The following ANXA8 variants were observed in gnomAD, a reference collection of about 807,000 sequenced individuals.
ANXA8 encodes the protein VAC-beta.
A neutral mutation model predicts 26.8 loss-of-function variants in ANXA8; 9 were observed. That is an observed-to-expected ratio of 0.34 (90% CI 0.20 to 0.59). ANXA8 has a LOEUF of 0.59. Among genes scored for constraint, ANXA8 ranks in the 20% least tolerant of loss-of-function variants. ANXA8 has a pLI of 0.84. For missense variants in ANXA8, 83 were observed against 238.5 expected (o/e 0.35, Z 4.29); for synonymous variants, 39 against 94.8 (o/e 0.41, Z 3.42).
At chr10:47,498,165 A>T in the ANXA8 span, among the ~76,000 whole-genome samples, 1 of 150,068 alleles carries the variant, frequency 6.7e-6, no homozygotes, top group Admixed American at 6.7e-5. Flanking sequence ...TCCCTTCCCC[A>T]TGTCCCTGGC....
At chr10:47,733,067 C>T in the ANXA8 span, among the ~76,000 whole-genome samples, 2 of 151,510 alleles carry the variant, frequency 1.3e-5, no homozygotes, top group Non-Finnish European at 3.0e-5. Context: ...GATTGACTCA[C>T]ATAAATGAGG....
chr10:47,495,932 G>A, the ANXA8 span, among the ~76,000 whole-genome samples: 11 of 151,604 alleles, frequency 7.3e-5, no homozygotes, highest in African/African-American at 2.7e-4. Flanking sequence ...TGAAGAAGGA[G>A]CAGGTGGTGC....
the ANXA8 span, among the ~76,000 whole-genome samples, chr10:47,717,570 T>C: frequency 1.6e-4 from 21 of 128,822 alleles, 4 homozygotes; most frequent in African/African-American, 7.0e-4. Flanking sequence ...CAGCAGAATT[T>C]CAGTGCTCAG....
chr10:47,702,649 T>C, the ANXA8 span, among the ~76,000 whole-genome samples: 1 of 151,872 alleles, frequency 6.6e-6, no homozygotes, highest in African/African-American at 2.4e-5. Context: ...CCTCTCTTTT[T>C]TTGAGACAGG....
chr10:47,533,470 A>G, the ANXA8 span, among the ~76,000 whole-genome samples: 310 of 149,534 alleles, frequency 2.1e-3, no homozygotes, highest in East Asian at 0.011. Context: ...GATGAGGGGG[A>G]ACCTTCAGAC....
At chr10:47,498,175 C>T in the ANXA8 span, among the ~76,000 whole-genome samples, 1 of 150,412 alleles carries the variant, frequency 6.6e-6, no homozygotes, top group Non-Finnish European at 1.5e-5. Context: ...ATGTCCCTGG[C>T]AACCCCCGTT....
chr10:47,907,024 T>TA, the ANXA8 span, among the ~76,000 whole-genome samples: 2 of 149,816 alleles, frequency 1.3e-5, no homozygotes, highest in African/African-American at 4.9e-5. Flanking sequence ...GCCTACCACT[T>TA]ATGCAGGTAT....
At chr10:47,554,882 G>A in the ANXA8 span, among the ~76,000 whole-genome samples, 1 of 151,884 alleles carries the variant, frequency 6.6e-6, no homozygotes. Context: ...CTTACTTCTT[G>A]GAGATGTCAG....
At chr10:47,519,238 C>T in the ANXA8 span, among the ~76,000 whole-genome samples, 11 of 129,852 alleles carry the variant, frequency 8.5e-5, no homozygotes, top group Admixed American at 6.3e-4. Context: ...GAGGCTGAAG[C>T]GGGTAGATCA....
chr10:47,495,788 C>A, the ANXA8 span, among the ~76,000 whole-genome samples: 1 of 150,744 alleles, frequency 6.6e-6, no homozygotes, highest in East Asian at 2.0e-4. Flanking sequence ...ACCAGCAGAA[C>A]CAACGCAGGA....
At chr10:47,586,433 A>G in the ANXA8 span, among the ~76,000 whole-genome samples, 1 of 145,780 alleles carries the variant, frequency 6.9e-6, no homozygotes, top group Non-Finnish European at 1.5e-5. Flanking sequence ...GCTCTCTCTC[A>G]CTGTAAGAAC....
At chr10:47,947,714 C>A in the ANXA8 span, among the ~76,000 whole-genome samples, 4,252 of 150,394 alleles carry the variant, frequency 0.028, 282 homozygotes, top group African/African-American at 0.1. Flanking sequence ...CTTCCCCAAC[C>A]ATGCTTCCTG....
At position 47,483,088 on chromosome 10, in the gene ANXA8, C is replaced by T. The variant is rs1372799649; in HGVS notation, c.21+825G>A. On this transcript the variant is annotated intron_variant, in intron 1 of 11. Coordinates refer to ENST00000585281, the MANE Select transcript of ANXA8 (RefSeq NM_001040084.3). Reference sequence around the variant, plus strand: ...CTGTCCCCTTCTGGATATTCAACTCCTTAGCACAGCGATGGCCTCAGGCTC... The same window carrying T: ...CTGTCCCCTTCTGGATATTCAACTCTTTAGCACAGCGATGGCCTCAGGCTC... Among the ~76,000 whole-genome samples the T allele has an allele frequency of 1.8e-3, 277 of 151,542 alleles. 1 individual carries two copies. The highest frequency in any genetic ancestry group is 6.3e-3 in the African/African-American group (260 of 41,066).
the ANXA8 span, chr10:47,955,925 T>C: frequency 8.9e-6 from 1 of 112,062 alleles, no homozygotes; most frequent in South Asian, 3.3e-4. Context: ...ACAAAAATAT[T>C]TTCTTTCTTT....
the ANXA8 span, among the ~76,000 whole-genome samples, chr10:47,952,750 C>T: frequency 3.6e-4 from 53 of 147,550 alleles, 2 homozygotes; most frequent in Non-Finnish European, 5.3e-4. Flanking sequence ...TACAGGAAAG[C>T]GAGTAATGAA....
the ANXA8 span, among the ~76,000 whole-genome samples, chr10:47,733,431 A>G: frequency 7.7e-6 from 1 of 129,838 alleles, no homozygotes; most frequent in Non-Finnish European, 1.6e-5. Context: ...TTATGAATTT[A>G]CATCGTCCCT....
At chr10:47,495,560 A>G in the ANXA8 span, among the ~76,000 whole-genome samples, 2 of 150,184 alleles carry the variant, frequency 1.3e-5, no homozygotes, top group African/African-American at 4.9e-5. Flanking sequence ...GGCTGGGATT[A>G]CAGGCATGAG....
the ANXA8 span, among the ~76,000 whole-genome samples, chr10:47,909,476 A>G: frequency 6.9e-6 from 1 of 145,478 alleles, no homozygotes; most frequent in South Asian, 2.2e-4. Flanking sequence ...GGTGGGGGAC[A>G]GTTCTTTGCC....
chr10:47,627,131 C>T, the ANXA8 span, among the ~76,000 whole-genome samples: 2 of 149,814 alleles, frequency 1.3e-5, no homozygotes, highest in African/African-American at 5.1e-5. Context: ...ACAATATTGT[C>T]TCTGCATGCT....
Sources: allele counts gnomAD v4.1 joint callset (sites outside exome capture counted in the v4.1 genomes callset), GRCh38; gene constraint gnomAD v4.1.1; transcripts MANE v1.5; gene names NCBI Gene and HGNC (gene_info 2026-07-23, HGNC 2026-07-21).